KANK1: variants seen among roughly 807,000 people sequenced by gnomAD.
KANK1 encodes KN motif and ankyrin repeat domains 1, also known as KN motif and ankyrin repeat domain-containing protein 1.
Under a neutral mutation model 106.2 loss-of-function variants are expected in KANK1, and 109 were observed. That is an observed-to-expected ratio of 1.03 (90% confidence interval 0.88 to 1.20). The LOEUF is 1.20. Ranked by LOEUF, KANK1 falls within the 50% of genes most tolerant of loss-of-function variation. The pLI is 0.00. For synonymous variants in KANK1, 873 were observed against 652.2 expected (o/e 1.34, Z -5.16); for missense variants, 2,399 against 1,710.7 (o/e 1.40, Z -7.10).
chr9:547,720 C>A (rs1041157083), intron 1 of KANK1, among the ~76,000 whole-genome samples: 1 of 143,002 alleles, frequency 7.0e-6, no homozygotes, highest in East Asian at 1.9e-4. Flanking sequence ...ATTATATAAA[C>A]GGTATGAGCA....
rs12000539 is a variant in KANK1, at chr9:741,061, C to T, written c.3696+127C>T. The stretch of plus-strand genomic sequence containing the variant: ...CACAGTGCACTTGTTTGCAGGCCTG[C>T]CCTGAGTCCATACACTGCCTGGCAC... On this transcript the variant is annotated intron_variant, in intron 9 of 11. Transcript: ENST00000382297. The T allele has an allele frequency of 0.052, 53,656 of 1,030,984 alleles. 2,138 individuals are homozygous for T. The highest frequency in any genetic ancestry group is 0.16 in the African/African-American group (9,958 of 61,462). The allele number at this position is 1,030,984 out of a possible 1,614,324, so 63.9% of individuals were successfully genotyped here. A position where few individuals can be genotyped will look rare whatever the true frequency, so the allele number is the denominator to read the frequency against.
chr9:618,564 T>C (rs545330009), intron 1 of KANK1, among the ~76,000 whole-genome samples: 18 of 152,292 alleles, frequency 1.2e-4, no homozygotes, highest in African/African-American at 3.1e-4. Flanking sequence ...AAAATACTTA[T>C]CGGAACAATT....
At chr9:725,589 A>C (rs1830442640) in intron 3 of KANK1, among the ~76,000 whole-genome samples, 2 of 151,922 alleles carry the variant, frequency 1.3e-5, no homozygotes, top group Non-Finnish European at 2.9e-5. Context: ...TCATTGTTTT[A>C]AACCAGTCAA....
At chr9:737,595 C>T (rs1279883647) in intron 7 of KANK1, among the ~76,000 whole-genome samples, 1 of 152,166 alleles carries the variant, frequency 6.6e-6, no homozygotes, top group African/African-American at 2.4e-5. Context: ...CTAAGGAAGT[C>T]AGAGTGGAGC....
intron 3 of KANK1, among the ~76,000 whole-genome samples, chr9:728,356 C>T (rs113780290): frequency 7.9e-5 from 12 of 152,228 alleles, no homozygotes; most frequent in African/African-American, 2.6e-4. Flanking sequence ...CCCCACCATG[C>T]GTGGCTAATT....
intron 1 of KANK1, among the ~76,000 whole-genome samples, chr9:532,886 G>A (rs927753576): frequency 6.6e-6 from 1 of 152,084 alleles, no homozygotes; most frequent in African/African-American, 2.4e-5. Flanking sequence ...TGGCCATTGG[G>A]GTATAATAAA....
At chr9:665,950 C>T (rs11496492) in intron 1 of KANK1, among the ~76,000 whole-genome samples, 12 of 152,152 alleles carry the variant, frequency 7.9e-5, no homozygotes, top group Admixed American at 4.6e-4. Flanking sequence ...GAGGCCAAAG[C>T]GGGAGAATTG....
chr9:593,266 T>C (rs977100679), intron 1 of KANK1, among the ~76,000 whole-genome samples: 1 of 151,798 alleles, frequency 6.6e-6, no homozygotes, highest in Non-Finnish European at 1.5e-5. Flanking sequence ...ACTCTGAAAA[T>C]TAAAATTAAT....
At chr9:609,707 T>A (rs1333983822) in intron 1 of KANK1, among the ~76,000 whole-genome samples, 1 of 152,180 alleles carries the variant, frequency 6.6e-6, no homozygotes, top group Non-Finnish European at 1.5e-5. Flanking sequence ...TGCCTTTTAA[T>A]CTATTGGTAC....
intron 3 of KANK1, among the ~76,000 whole-genome samples, chr9:728,049 G>C (rs1044252772): frequency 6.6e-6 from 1 of 152,084 alleles, no homozygotes; most frequent in African/African-American, 2.4e-5. Context: ...GATCTTAGGA[G>C]TGACAAACAG....
At chr9:733,326 T>C (rs1178980720) in intron 6 of KANK1, 1 of 152,256 alleles carries the variant, frequency 6.6e-6, no homozygotes, top group Non-Finnish European at 1.5e-5. Flanking sequence ...TACCTCTATT[T>C]AATTTGGCAA....
chr9:629,847 A>G (rs777893534), intron 1 of KANK1, among the ~76,000 whole-genome samples: 4 of 152,258 alleles, frequency 2.6e-5, no homozygotes, highest in Non-Finnish European at 4.4e-5. Context: ...ACAGCAGGCA[A>G]TGACTCATTT....
At chr9:580,036 G>C (rs182339676) in intron 1 of KANK1, among the ~76,000 whole-genome samples, 2 of 152,164 alleles carry the variant, frequency 1.3e-5, no homozygotes, top group Non-Finnish European at 2.9e-5. Flanking sequence ...TGCGGTGAGT[G>C]TTACAGTTCT....
chr9:634,756 C>A (rs1271427801), intron 1 of KANK1, among the ~76,000 whole-genome samples: 4 of 152,196 alleles, frequency 2.6e-5, no homozygotes, highest in Non-Finnish European at 5.9e-5. Flanking sequence ...AGGCCAGAAG[C>A]AAGATGGAGT....
At chr9:644,535 G>C (rs1839226315) in intron 1 of KANK1, among the ~76,000 whole-genome samples, 1 of 150,868 alleles carries the variant, frequency 6.6e-6, no homozygotes, top group Non-Finnish European at 1.5e-5. Flanking sequence ...TACGTGGCCA[G>C]AGCAGGAGGA....
At chr9:528,222 C>G (rs1225345860) in intron 1 of KANK1, among the ~76,000 whole-genome samples, 1 of 151,644 alleles carries the variant, frequency 6.6e-6, no homozygotes, top group Non-Finnish European at 1.5e-5. Flanking sequence ...TTTCTGGGCA[C>G]ACAATGGCCT....
intron 3 of KANK1, among the ~76,000 whole-genome samples, chr9:486,081 T>G (rs758907809): frequency 6.6e-6 from 1 of 152,100 alleles, no homozygotes; most frequent in Non-Finnish European, 1.5e-5. Flanking sequence ...CTCGCCTGAC[T>G]CCAAAAATTT....
chr9:536,448 C>T (rs533594149), intron 1 of KANK1, among the ~76,000 whole-genome samples: 10 of 152,146 alleles, frequency 6.6e-5, no homozygotes, highest in African/African-American at 2.4e-4. Context: ...AGGACCAGTT[C>T]CTTCTGAAGG....
chr9:638,659 T>G (rs1056535741), intron 1 of KANK1, among the ~76,000 whole-genome samples: 5 of 152,236 alleles, frequency 3.3e-5, no homozygotes, highest in Non-Finnish European at 7.3e-5. Flanking sequence ...TGAGTTTCCA[T>G]TCTTTTGAGA....
Sources: allele counts gnomAD v4.1 joint callset (sites outside exome capture counted in the v4.1 genomes callset), GRCh38; gene constraint gnomAD v4.1.1; transcripts MANE v1.5; gene names NCBI Gene and HGNC (gene_info 2026-07-23, HGNC 2026-07-21).